Variants in PRIM1 observed in about 807,000 individuals in gnomAD.
The protein encoded by PRIM1 is DNA primase subunit 1.
Under a neutral mutation model 60.2 loss-of-function variants are expected in PRIM1, and 38 were observed. That is an observed-to-expected ratio of 0.63 (90% CI 0.49 to 0.83). The LOEUF (loss-of-function observed/expected upper bound fraction) is 0.83, where lower values mean the gene tolerates loss of function less well. Among genes scored for constraint, PRIM1 ranks in the 40% least tolerant of loss-of-function variants. The pLI is 0.00. For synonymous variants in PRIM1, 158 were observed against 160.2 expected, an observed-to-expected ratio of 0.99 and a Z score of 0.10; for missense variants, 388 against 506.2, an observed-to-expected ratio of 0.77 and a Z score of 2.24.
intron 9 of PRIM1, among the ~76,000 whole-genome samples, 169 bp from the exon 10 acceptor site, chr12:56,739,532 C>G (rs1439793188): frequency 6.6e-6 from 1 of 152,134 alleles, no homozygotes; most frequent in Non-Finnish European, 1.5e-5. Flanking sequence ...ATTAGCTGTG[C>G]CCTTACTCTT....
In PRIM1 at chr12:56,752,222, T is replaced by C. The variant is rs766751135; in HGVS notation, c.77A>G (p.Tyr26Cys). 2.6e-5 allele frequency: 41 copies of C among 1,602,312 alleles called. 1 individual carries two copies. In the South Asian group the frequency reaches 4.6e-4, roughly 18 times the overall value. Reference sequence around the variant, plus strand: ...TCCACCGTAGTTGAGCCAGCGATAGTACTGAGAGTAGGGAAAGAGCCTCCG... The same window carrying C: ...TCCACCGTAGTTGAGCCAGCGATAGCACTGAGAGTAGGGAAAGAGCCTCCG... ...YYRRLFPYSQ[Y>C]YRWLNYGGVI... The change falls in exon 1 of 13, where the codon TAC becomes TGC. Residue 26 changes from tyrosine (Y) to cysteine (C), a missense_variant. By Grantham distance (194) the Tyr-to-Cys change is radical (BLOSUM62 -2). Transcript: ENST00000338193.
rs188763652 is a variant in PRIM1, at chr12:56,746,087, A to C, written c.537T>G (p.Ser179=). 203 of 1,613,652 alleles carry C rather than the reference A, an allele frequency of 1.3e-4. No homozygotes were observed. In the African/African-American group the frequency reaches 1.9e-3, roughly 15 times the overall value. The change falls in exon 5 of 13, where the codon TCT becomes TCG. Residue 179 remains serine, a synonymous_variant. Transcript: ENST00000338193. ...ACTCAACTATCCCAGAACGTACTGC[A>C]GAAGACAGTTTTCTAACTGATTCAT... is the stretch of plus-strand genomic sequence containing the variant. ...VCDESVRKLS[S]AVRSGIVEYL...
chr12:56,737,891 AT>A (rs1953844833), intron 11 of PRIM1, among the ~76,000 whole-genome samples: 1 of 151,922 alleles, frequency 6.6e-6, no homozygotes, highest in Non-Finnish European at 1.5e-5. Context: ...TGCCTGGTTG[AT>A]TTTTGTATAT....
At chr12:56,736,508 CTT>C (rs63112961) in intron 11 of PRIM1, among the ~76,000 whole-genome samples, 42 of 146,270 alleles carry the variant, frequency 2.9e-4, no homozygotes, top group Admixed American at 4.1e-4. Context: ...AGAAATTATA[CTT>C]TTTTTTTTTT....
chr12:56,738,697 A>G (rs932475714), intron 10 of PRIM1, among the ~76,000 whole-genome samples, 172 bp from the exon 11 acceptor site: 24 of 152,156 alleles, frequency 1.6e-4, no homozygotes, highest in Non-Finnish European at 3.2e-4. Flanking sequence ...GACTACAGGC[A>G]TATGCCACCA....
intron 9 of PRIM1, 108 bp from the exon 10 acceptor site, chr12:56,739,471 G>A: frequency 3.3e-6 from 2 of 611,112 alleles, no homozygotes; most frequent in Non-Finnish European, 2.7e-6. Context: ...TTAGACAAAG[G>A]GTTAAACTTA....
Position 56,746,131 on chromosome 12 carries a change from C to T in PRIM1, c.493G>A (p.Val165Ile), listed in dbSNP as rs757181601. The T allele has an allele frequency of 1.9e-5, 31 of 1,613,410 alleles. No individual in the cohort carries two copies. The Admixed American group carries it at 5.2e-4, about 27-fold the overall frequency. Residue 165 changes from valine (V) to isoleucine (I), a missense_variant, in exon 5 of 13, where the codon GTT becomes ATT. Transcript: ENST00000338193. Reference sequence around the variant, plus strand: ...GATTCATCACAGACCCAACAATGAACACCTCTCCTTCCAGAATATACCCAG... The same window carrying T: ...GATTCATCACAGACCCAACAATGAATACCTCTCCTTCCAGAATATACCCAG... ...RLWVYSGRRG[V>I]HCWVCDESVR...
At chr12:56,738,763 G>T (rs960954463) in intron 10 of PRIM1, among the ~76,000 whole-genome samples, 18 of 152,264 alleles carry the variant, frequency 1.2e-4, no homozygotes, top group Non-Finnish European at 2.6e-4. Context: ...TGTTGGCCAG[G>T]ATGGTCTCGA....
intron 10 of PRIM1, 135 bp downstream of exon 10, chr12:56,739,159 C>T: frequency 3.5e-6 from 2 of 569,628 alleles, no homozygotes; most frequent in Non-Finnish European, 5.6e-6. Flanking sequence ...GTCATCTAAC[C>T]TTTGAACCTT....
intron 9 of PRIM1, among the ~76,000 whole-genome samples, chr12:56,740,449 C>A (rs922210193): frequency 6.6e-6 from 1 of 151,956 alleles, no homozygotes; most frequent in Non-Finnish European, 1.5e-5. Context: ...TATAATACCC[C>A]CCTAGGATAC....
At position 56,746,110 on chromosome 12, in the gene PRIM1, C is replaced by A. The variant is rs1220980129; in HGVS notation, c.514G>T (p.Glu172Ter). The A allele has an allele frequency of 6.8e-6, 11 of 1,613,284 alleles. No individual in the cohort carries two copies. The highest frequency in any genetic ancestry group is 2.2e-5 in the East Asian group (1 of 44,884). ...RRGVHCWVCDESVRKLSSAVR... is the reference protein window; with the variant it reads ...RRGVHCWVCD ...GCAGAAGACAGTTTTCTAACTGATT[C>A]ATCACAGACCCAACAATGAACACCT... Residue 172 changes from glutamate (E) to a stop codon, truncating the protein, a stop_gained, in exon 5 of 13, where the codon GAA becomes TAA. Coordinates refer to ENST00000338193, the MANE Select transcript of PRIM1 (RefSeq NM_000946.3). LOFTEE classifies it high-confidence loss of function.
intron 11 of PRIM1, among the ~76,000 whole-genome samples, chr12:56,737,548 C>T (rs1953841678): frequency 6.6e-6 from 1 of 151,824 alleles, no homozygotes. Flanking sequence ...AGGGTTTCTC[C>T]ATGTTGGTCA....
At chr12:56,751,966 GTTT>G (rs66861394) in intron 1 of PRIM1, among the ~76,000 whole-genome samples, 65 of 79,342 alleles carry the variant, frequency 8.2e-4, no homozygotes, top group South Asian at 3.7e-3. Context: ...CGGCGGCTCT[GTTT>G]TTTTTTTTTT....
chr12:56,752,189 C>G lies in PRIM1; in HGVS notation c.103+7G>C, dbSNP rs1953975335. 3.8e-6 allele frequency: 6 copies of G among 1,578,786 alleles called. No individual in the cohort carries two copies. The highest frequency in any genetic ancestry group is 5.2e-6 in the Non-Finnish European group (6 of 1,157,986). ...CCGCTCCCGAACCCATTCCTCGCCT[C>G]CATCACCTCCACCGTAGTTGAGCCA... On this transcript the variant is annotated splice_region_variant and intron_variant, in intron 1 of 12. Transcript: ENST00000338193.
chr12:56,749,441 G>GA (rs1201772664), intron 2 of PRIM1, among the ~76,000 whole-genome samples: 1 of 152,064 alleles, frequency 6.6e-6, no homozygotes, highest in Admixed American at 6.6e-5. Context: ...CTTGGCCCAA[G>GA]AAAAAAATGA....
chr12:56,750,187 C>G (rs906930931), intron 2 of PRIM1, among the ~76,000 whole-genome samples: 29 of 152,188 alleles, frequency 1.9e-4, no homozygotes, highest in African/African-American at 6.8e-4. Context: ...AGAGGAATCA[C>G]AGATTCTGAG....
At chr12:56,733,577 T>G (rs1354162797) in intron 12 of PRIM1, among the ~76,000 whole-genome samples, 1 of 151,414 alleles carries the variant, frequency 6.6e-6, no homozygotes, top group Admixed American at 6.6e-5. Flanking sequence ...CTTTTTTTTT[T>G]GTATTAAGTT....
At chr12:56,742,964 G>T in intron 7 of PRIM1, 23 bp downstream of exon 7, 1 of 1,485,406 alleles carries the variant, frequency 6.7e-7, no homozygotes, top group South Asian at 1.3e-5. Flanking sequence ...AGCTCACACA[G>T]AAATGATCAC....
chr12:56,743,982 T>G, intron 6 of PRIM1, 83 bp downstream of exon 6: 1 of 960,606 alleles, frequency 1.0e-6, no homozygotes, highest in Non-Finnish European at 1.6e-6. Flanking sequence ...TACCCAGCAG[T>G]GAAAATTGAT....
Sources: allele counts gnomAD v4.1 joint callset (sites outside exome capture counted in the v4.1 genomes callset), GRCh38; gene constraint gnomAD v4.1.1; transcripts MANE v1.5; gene names NCBI Gene and HGNC (gene_info 2026-07-23, HGNC 2026-07-21).